TMLHE: variants seen among roughly 807,000 people sequenced by gnomAD.
TMLHE encodes the protein trimethyllysine dioxygenase, mitochondrial.
In TMLHE, 18 loss-of-function variants were observed where a neutral mutation model predicts 25.7. The ratio of observed to expected loss-of-function variants is 0.70; its 90% confidence interval spans 0.48 to 1.04. The LOEUF is 1.04. TMLHE is among the 50% of genes least tolerant of loss of function. The pLI is 0.00. For missense variants in TMLHE, 236 were observed against 259.0 expected, an observed-to-expected ratio of 0.91 and a Z score of 0.61; for synonymous variants, 105 against 97.0, an observed-to-expected ratio of 1.08 and a Z score of -0.49.
intron 4 of TMLHE, among the ~76,000 whole-genome samples, chrX:155,512,306 A>G (rs1054292916): frequency 1.8e-4 from 19 of 104,175 alleles, no homozygotes; most frequent in Middle Eastern, 5.1e-3. Flanking sequence ...TCCCAATGCT[A>G]TCCCTCCCCC....
intron 1 of TMLHE, among the ~76,000 whole-genome samples, chrX:155,594,410 G>A (rs782103229): frequency 9.0e-6 from 1 of 110,812 alleles, no homozygotes; most frequent in East Asian, 2.8e-4. Flanking sequence ...GAGGGAGAAG[G>A]AAAAGCTTTC....
At chrX:155,584,257 A>T (rs1357770606) in intron 1 of TMLHE, among the ~76,000 whole-genome samples, 1 of 109,901 alleles carries the variant, frequency 9.1e-6, no homozygotes, top group South Asian at 3.9e-4. Context: ...GGTCAAGCAG[A>T]AGAAAGAATT....
intron 2 of TMLHE, among the ~76,000 whole-genome samples, 199 bp from the exon 3 acceptor site, chrX:155,524,831 A>T (rs919541671): frequency 9.0e-6 from 1 of 111,711 alleles, no homozygotes; most frequent in Non-Finnish European, 1.9e-5. Flanking sequence ...AAATAGATAA[A>T]ATGATGGAAG....
intron 1 of TMLHE, among the ~76,000 whole-genome samples, chrX:155,598,005 T>C (rs1178264794): frequency 8.9e-6 from 1 of 111,981 alleles, no homozygotes; most frequent in Non-Finnish European, 1.9e-5. Context: ...CATGACTTCA[T>C]AGACTTATGA....
chrX:155,533,212 T>G (rs2067259059), intron 2 of TMLHE, among the ~76,000 whole-genome samples: 1 of 111,871 alleles, frequency 8.9e-6, no homozygotes. Context: ...GACTAGAACT[T>G]AGAAAGGTTC....
chrX:155,506,126 G>A (rs1396731055), intron 6 of TMLHE, among the ~76,000 whole-genome samples: 1 of 110,989 alleles, frequency 9.0e-6, no homozygotes, highest in Non-Finnish European at 1.9e-5. Flanking sequence ...CACTGGGGAG[G>A]TTTAGAAGGA....
At chrX:155,578,465 ACCCAACATACCAATACCACCACTGCTGG>A (rs1477222606) in intron 1 of TMLHE, among the ~76,000 whole-genome samples, 1 of 111,454 alleles carries the variant, frequency 9.0e-6, no homozygotes, top group Non-Finnish European at 1.9e-5. Context: ...AGTTGGGCTG[ACCCAACATACCAATACCACCACTGCTGG>A]CAAACACCAA....
chrX:155,598,512 T>C (rs2067736703), intron 1 of TMLHE, among the ~76,000 whole-genome samples: 1 of 84,149 alleles, frequency 1.2e-5, no homozygotes, highest in Admixed American at 1.7e-4. Context: ...TGAGAACACA[T>C]GGACGTAGGA....
intron 1 of TMLHE, among the ~76,000 whole-genome samples, chrX:155,601,547 T>C (rs2124497297): frequency 9.0e-6 from 1 of 110,955 alleles, no homozygotes; most frequent in South Asian, 3.7e-4. Flanking sequence ...GCTCTAGAAA[T>C]TACAGTAAAA....
At chrX:155,584,315 A>G (rs2067650730) in intron 1 of TMLHE, among the ~76,000 whole-genome samples, 1 of 110,837 alleles carries the variant, frequency 9.0e-6, no homozygotes, top group African/African-American at 3.3e-5. Context: ...CAGAAAAAAA[A>G]ATAAATAAAA....
At chrX:155,543,456 A>G (rs782625366) in intron 2 of TMLHE, among the ~76,000 whole-genome samples, 2 of 112,241 alleles carry the variant, frequency 1.8e-5, no homozygotes, top group South Asian at 7.3e-4. Context: ...ATACTTAGGA[A>G]TAAATTTAAC....
In TMLHE at chrX:155,514,081, C is replaced by T; in HGVS notation, c.543G>A (p.Leu181=). ...CAATTCCATAGAGCAGAAAGTTTTG[C>T]AGAAACTTCTTCAGTCCCTCGTTGG... is the stretch of plus-strand genomic sequence containing the variant. The part of the protein sequence containing the change: ...LETNEGLKKF[L]QNFLLYGIAF... Residue 181 remains leucine (L), a synonymous_variant, in exon 4 of 8, where the codon CTG becomes CTA. Transcript: ENST00000334398. The T allele has an allele frequency of 1.7e-6, 2 of 1,211,045 alleles. No homozygotes were observed. Among genetic ancestry groups the T allele is most frequent in the Non-Finnish European group, 2.2e-6 (2 of 895,045 alleles).
intron 1 of TMLHE, among the ~76,000 whole-genome samples, chrX:155,585,201 A>G: frequency 8.9e-6 from 1 of 111,779 alleles, no homozygotes; most frequent in East Asian, 2.8e-4. Flanking sequence ...ACATGGTCCA[A>G]CTGTATGCTG....
At chrX:155,532,669 G>A (rs1048111875) in intron 2 of TMLHE, among the ~76,000 whole-genome samples, 2 of 28,901 alleles carry the variant, frequency 6.9e-5, no homozygotes, top group Non-Finnish European at 1.2e-4. Flanking sequence ...TGCAAAATTC[G>A]TGTGTGTGTG....
chrX:155,539,910 C>T (rs73577043), intron 2 of TMLHE, among the ~76,000 whole-genome samples: 150 of 109,520 alleles, frequency 1.4e-3, no homozygotes, highest in African/African-American at 4.8e-3. Context: ...TGGAGAAATT[C>T]ACTGGAGGGA....
chrX:155,556,244 G>T (rs1557340802), intron 1 of TMLHE, among the ~76,000 whole-genome samples: 2 of 109,395 alleles, frequency 1.8e-5, no homozygotes, highest in Admixed American at 9.6e-5. Context: ...CAACCAGAAA[G>T]GAATGTAGCC....
chrX:155,584,320 A>T (rs1557345024), intron 1 of TMLHE, among the ~76,000 whole-genome samples: 1 of 110,905 alleles, frequency 9.0e-6, no homozygotes. Context: ...AAAAAAATAA[A>T]TAAAAAAGAA....
At chrX:155,559,783 A>T (rs1193890946) in intron 1 of TMLHE, among the ~76,000 whole-genome samples, 1 of 112,078 alleles carries the variant, frequency 8.9e-6, no homozygotes, top group Non-Finnish European at 1.9e-5. Flanking sequence ...TCATCACCTC[A>T]TACCTGGCCT....
At chrX:155,548,721 T>A (rs1425003233) in intron 1 of TMLHE, among the ~76,000 whole-genome samples, 5 of 101,570 alleles carry the variant, frequency 4.9e-5, no homozygotes, top group African/African-American at 2.0e-4. Flanking sequence ...GGCGACAGAG[T>A]GAGACTCTGT....
Sources: gnomAD v4.1 joint callset for allele counts (sites outside exome capture counted in the v4.1 genomes callset) on GRCh38, gnomAD v4.1.1 for gene constraint, MANE v1.5 for transcripts, NCBI Gene and HGNC (gene_info 2026-07-23, HGNC 2026-07-21) for gene names.